The following SMAGP variants were observed in gnomAD, a reference collection of about 807,000 sequenced individuals.
The protein encoded by SMAGP is small cell transmembrane and glycosylated protein.
Under a neutral mutation model 10.1 loss-of-function variants are expected in SMAGP, and 7 were observed. The observed-to-expected ratio is 0.70, with a 90% CI of 0.40 to 1.31. SMAGP has a LOEUF of 1.31. Ranked by LOEUF, SMAGP falls within the 50% of genes most tolerant of loss-of-function variation. The pLI, the probability that SMAGP is intolerant of heterozygous loss-of-function variation, is 0.01. For synonymous variants in SMAGP, 49 were observed against 47.2 expected, an observed-to-expected ratio of 1.04 and a Z score of -0.16; for missense variants, 113 against 116.5, an observed-to-expected ratio of 0.97 and a Z score of 0.14.
At chr12:51,262,449 A>G (rs1190735624) in intron 2 of SMAGP, among the ~76,000 whole-genome samples, 3 of 152,168 alleles carry the variant, frequency 2.0e-5, no homozygotes. Context: ...CCACTGCTCT[A>G]CAGCCTGGGT....
At chr12:51,251,799 A>T (rs1204479591) in intron 2 of SMAGP, among the ~76,000 whole-genome samples, 2 of 152,036 alleles carry the variant, frequency 1.3e-5, no homozygotes, top group Non-Finnish European at 2.9e-5. Context: ...CTATTCTTTA[A>T]TTTTTTTAAA....
intron 2 of SMAGP, among the ~76,000 whole-genome samples, chr12:51,266,619 C>T (rs1944976632): frequency 6.6e-6 from 1 of 151,926 alleles, no homozygotes; most frequent in African/African-American, 2.4e-5. Flanking sequence ...CTTACTGTGC[C>T]TAATTTACAA....
At position 51,246,790 on chromosome 12, in the gene SMAGP, G is replaced by A. The variant is rs764346286; in HGVS notation, c.76C>T (p.Leu26=). The A allele has an allele frequency of 1.3e-5, 21 of 1,583,576 alleles. No homozygotes were observed. Among genetic ancestry groups the A allele is most frequent in the Middle Eastern group, 1.7e-4 (1 of 6,014 alleles). ...GTGCTGGCTCCATCTTCTGGGGACA[G>A]GGCCTCAGTGGGCTGTAAAATTGGG... ...TTPILQPTEA[L]SPEDGASTAL... is the part of the protein sequence containing the mutation. Residue 26 remains leucine (L), a synonymous_variant, in exon 3 of 4, where the codon CTG becomes TTG. Coordinates refer to ENST00000603798, the MANE Select transcript of SMAGP (RefSeq NM_001031628.2).
Position 51,270,332 on chromosome 12 carries a change from C to G in SMAGP, c.-115G>C, listed in dbSNP as rs1276359282. 1 of 172,084 alleles carries G rather than the reference C, an allele frequency of 5.8e-6. No homozygotes were observed. Among genetic ancestry groups the G allele is most frequent in the Non-Finnish European group, 1.2e-5 (1 of 81,532 alleles). The allele number at this position is 172,084 out of a possible 1,614,324, so 10.7% of individuals were successfully genotyped here. On this transcript the variant is annotated 5_prime_UTR_variant, in exon 1 of 4. Transcript: ENST00000603798. The stretch of plus-strand genomic sequence containing the variant: ...CTTTTGAACTCAACGGGGGCGGGCA[C>G]CGCGGAGTCGCGGAGGCCAGCAGAG...
At chr12:51,254,601 G>A (rs959209418) in intron 2 of SMAGP, among the ~76,000 whole-genome samples, 2 of 152,052 alleles carry the variant, frequency 1.3e-5, no homozygotes, top group South Asian at 2.1e-4. Flanking sequence ...TATATTAGAC[G>A]TTAATTAGCG....
At chr12:51,260,286 G>C (rs1275456573) in intron 2 of SMAGP, among the ~76,000 whole-genome samples, 1 of 150,924 alleles carries the variant, frequency 6.6e-6, no homozygotes. Flanking sequence ...CGCCTCCCGG[G>C]TTCAAGCGAT....
intron 3 of SMAGP, chr12:51,246,433 G>A (rs764049405): frequency 1.1e-5 from 5 of 442,294 alleles, no homozygotes; most frequent in Non-Finnish European, 2.0e-5. Flanking sequence ...CTAACAGGAA[G>A]TGGTTTATCT....
chr12:51,253,021 G>T (rs923565846), intron 2 of SMAGP, among the ~76,000 whole-genome samples: 7 of 152,104 alleles, frequency 4.6e-5, no homozygotes, highest in African/African-American at 9.7e-5. Flanking sequence ...AAGAGAAAGG[G>T]GTCGGGAACC....
intron 1 of SMAGP, chr12:51,269,683 G>C (rs549057063): frequency 5.7e-6 from 1 of 175,002 alleles, no homozygotes; most frequent in African/African-American, 2.4e-5. Context: ...GGGTTCCACA[G>C]CTAGGAGTTC....
chr12:51,262,764 G>A (rs565294553), intron 2 of SMAGP, among the ~76,000 whole-genome samples: 1 of 152,226 alleles, frequency 6.6e-6, no homozygotes, highest in East Asian at 1.9e-4. Context: ...GATACTGGCT[G>A]GCTTCTTTGT....
intron 2 of SMAGP, among the ~76,000 whole-genome samples, chr12:51,247,115 C>T (rs527639658): frequency 1.9e-4 from 29 of 152,228 alleles, no homozygotes; most frequent in African/African-American, 6.7e-4. Context: ...CTGTCCTTTA[C>T]TAGCTGTGTG....
intron 2 of SMAGP, among the ~76,000 whole-genome samples, chr12:51,260,669 C>G (rs1241116820): frequency 7.1e-6 from 1 of 140,626 alleles, no homozygotes; most frequent in African/African-American, 2.7e-5. Flanking sequence ...TGAGCCACCG[C>G]GCCCGGCCAA....
chr12:51,256,578 G>A (rs1047280891), intron 2 of SMAGP, among the ~76,000 whole-genome samples: 3 of 152,062 alleles, frequency 2.0e-5, no homozygotes, highest in South Asian at 2.1e-4. Flanking sequence ...AAAATTAGCC[G>A]GGGTGGTGGC....
chr12:51,266,339 C>T (rs775088219), intron 2 of SMAGP, among the ~76,000 whole-genome samples: 9 of 152,214 alleles, frequency 5.9e-5, no homozygotes, highest in Admixed American at 3.9e-4. Flanking sequence ...TAGAGTACCA[C>T]AGCGCTTGTG....
intron 1 of SMAGP, 167 bp from the exon 2 acceptor site, chr12:51,269,483 A>G (rs1055710582): frequency 1.7e-6 from 1 of 590,226 alleles, no homozygotes; most frequent in African/African-American, 1.9e-5. Flanking sequence ...CCAGGTACCA[A>G]CAGCTCTCCA....
intron 2 of SMAGP, among the ~76,000 whole-genome samples, chr12:51,268,347 T>C (rs1398986408): frequency 1.3e-5 from 2 of 152,140 alleles, no homozygotes; most frequent in Non-Finnish European, 1.5e-5. Context: ...AGATAGGTAC[T>C]ATTTTCCCTA....
rs1390092871 is a variant in SMAGP, at chr12:51,244,772, C to G, written c.*1169G>C. ...TATGTAGAAGGGATTCTGGGAAATTCTGGCCCTTGCCAGGATGGAGGCTTG... is the reference window on the plus strand; with the variant it reads ...TATGTAGAAGGGATTCTGGGAAATTGTGGCCCTTGCCAGGATGGAGGCTTG... On this transcript the variant is annotated 3_prime_UTR_variant, in exon 4 of 4. Transcript: ENST00000603798. 2 of 150,014 alleles carry G rather than the reference C, an allele frequency of 1.3e-5. No homozygotes were observed. Among genetic ancestry groups the G allele is most frequent in the African/African-American group, 4.9e-5 (2 of 40,674 alleles). The allele number at this position is 150,014 out of a possible 1,614,324, so 9.3% of individuals were successfully genotyped here.
intron 2 of SMAGP, among the ~76,000 whole-genome samples, chr12:51,256,737 C>CA (rs1464305533): frequency 1.9e-3 from 103 of 53,840 alleles, no homozygotes; most frequent in African/African-American, 5.0e-3. Flanking sequence ...AACAAACAAA[C>CA]AAACAAAAAA....
intron 2 of SMAGP, among the ~76,000 whole-genome samples, chr12:51,255,067 A>G (rs1159737199): frequency 6.6e-6 from 1 of 152,094 alleles, no homozygotes; most frequent in Non-Finnish European, 1.5e-5. Flanking sequence ...ACAGGGCCTC[A>G]GTCTGTCCTC....
Sources: allele counts gnomAD v4.1 joint callset (sites outside exome capture counted in the v4.1 genomes callset), GRCh38; gene constraint gnomAD v4.1.1; transcripts MANE v1.5; gene names NCBI Gene and HGNC (gene_info 2026-07-23, HGNC 2026-07-21).